SLC30A8: variants seen among roughly 807,000 people sequenced by gnomAD.
SLC30A8 encodes the protein solute carrier family 30 member 8, also known as proton-coupled zinc antiporter SLC30A8.
A neutral mutation model predicts 36.9 loss-of-function variants in SLC30A8; 27 were observed. The observed-to-expected ratio is 0.73, with a 90% CI of 0.54 to 1.01. The LOEUF is 1.01. Among genes scored for constraint, SLC30A8 ranks in the 50% least tolerant of loss-of-function variants. SLC30A8 has a pLI of 0.00. For missense variants in SLC30A8, 439 were observed against 452.0 expected (o/e 0.97, Z 0.26); for synonymous variants, 164 against 172.4 (o/e 0.95, Z 0.38).
At chr8:117,168,427 T>C (rs536613605) in intron 6 of SLC30A8, among the ~76,000 whole-genome samples, 4 of 152,294 alleles carry the variant, frequency 2.6e-5, no homozygotes, top group African/African-American at 9.6e-5. Context: ...CAAATACATT[T>C]ATAAGTCTGG....
chr8:116,967,967 A>G (rs1563726714), intron 1 of SLC30A8, among the ~76,000 whole-genome samples: 1 of 152,184 alleles, frequency 6.6e-6, no homozygotes, highest in East Asian at 1.9e-4. Context: ...GCACAAACAG[A>G]TGAGGGTTGG....
intron 2 of SLC30A8, among the ~76,000 whole-genome samples, chr8:117,123,417 T>C (rs1007360948): frequency 1.3e-5 from 2 of 152,022 alleles, no homozygotes; most frequent in African/African-American, 4.8e-5. Context: ...CATGAAGGAA[T>C]CTTTAAATGT....
At chr8:116,985,995 G>A (rs1815429972) in intron 1 of SLC30A8, among the ~76,000 whole-genome samples, 1 of 152,134 alleles carries the variant, frequency 6.6e-6, no homozygotes. Context: ...TTACACTCTG[G>A]AAAACCAGCA....
At chr8:117,102,287 C>G (rs1479459292) in intron 2 of SLC30A8, among the ~76,000 whole-genome samples, 1 of 152,048 alleles carries the variant, frequency 6.6e-6, no homozygotes, top group Non-Finnish European at 1.5e-5. Flanking sequence ...TTAAATATAC[C>G]TATTTCATGC....
At chr8:117,133,365 T>C (rs1222291920), upstream of SLC30A8, among the ~76,000 whole-genome samples, 2 of 152,034 alleles carry the variant, frequency 1.3e-5, no homozygotes, top group Non-Finnish European at 2.9e-5. Flanking sequence ...CTGGCATGTA[T>C]CCTTCACACT....
intron 2 of SLC30A8, among the ~76,000 whole-genome samples, chr8:117,114,353 A>G (rs1055787735): frequency 6.6e-6 from 1 of 152,086 alleles, no homozygotes; most frequent in Non-Finnish European, 1.5e-5. Context: ...CCTCTGAACT[A>G]CTATTCGGAT....
intron 4 of SLC30A8, among the ~76,000 whole-genome samples, chr8:117,160,403 T>TTG (rs71569723): frequency 0.043 from 6,241 of 145,750 alleles, 163 homozygotes; most frequent in East Asian, 0.1. Flanking sequence ...AATTTTCCAC[T>TTG]TGTGTGTGTG....
rs1586625317 is a variant in SLC30A8, at chr8:117,172,737, A to G, written c.*56A>G. ...ACAGGCCACCTTCAAACATGCTGCT[A>G]TGCAGTTTCTGCATCATAGAAAATA... On this transcript the variant is annotated 3_prime_UTR_variant, in exon 8 of 8. Transcript: ENST00000456015. 7 of 1,591,528 alleles carry G rather than the reference A, an allele frequency of 4.4e-6. No homozygotes were observed. Among genetic ancestry groups the G allele is most frequent in the Non-Finnish European group, 6.0e-6 (7 of 1,162,334 alleles).
At chr8:116,994,970 TTCTC>T (rs1376572981) in intron 1 of SLC30A8, among the ~76,000 whole-genome samples, 1 of 152,152 alleles carries the variant, frequency 6.6e-6, no homozygotes, top group African/African-American at 2.4e-5. Flanking sequence ...TCTTTTTACT[TTCTC>T]TCAATTTCCC....
intron 2 of SLC30A8, among the ~76,000 whole-genome samples, chr8:117,044,954 C>A (rs1367083077): frequency 6.6e-6 from 1 of 152,204 alleles, no homozygotes; most frequent in African/African-American, 2.4e-5. Context: ...CTTCTCGTGG[C>A]TCCATCCACA....
At chr8:117,128,661 T>A (rs1821012393) in intron 2 of SLC30A8, 1 of 152,068 alleles carries the variant, frequency 6.6e-6, no homozygotes, top group Non-Finnish European at 1.5e-5. Context: ...ATGTTAAAAG[T>A]TTTATTTAGC....
intron 1 of SLC30A8, among the ~76,000 whole-genome samples, chr8:116,953,377 AT>A (rs1814068055): frequency 3.3e-5 from 5 of 151,540 alleles, no homozygotes; most frequent in Non-Finnish European, 7.4e-5. Context: ...ACTATTTTGT[AT>A]TTTTCTTACA....
chr8:117,067,902 T>C (rs942181976), intron 2 of SLC30A8, among the ~76,000 whole-genome samples: 4 of 152,156 alleles, frequency 2.6e-5, no homozygotes, highest in Non-Finnish European at 4.4e-5. Context: ...GCTGCAAAAT[T>C]TCACCAGATA....
intron 1 of SLC30A8, among the ~76,000 whole-genome samples, chr8:117,024,014 G>A (rs1411130152): frequency 7.9e-5 from 12 of 151,990 alleles, no homozygotes; most frequent in Non-Finnish European, 1.8e-4. Context: ...TGGCTATTTG[G>A]CATAAGGTAA....
At position 117,161,768 on chromosome 8, in the gene SLC30A8, T is replaced by C. The variant is rs1822802385; in HGVS notation, c.603T>C (p.Leu201=). ...VLTVVLHQRC[L]GHNHKEVQAN... Reference sequence around the variant, plus strand: ...CTGTGGTTTTGCACCAGAGATGCCTTGGCCACAATCACAAGGAAGTACAAG... The same window carrying C: ...CTGTGGTTTTGCACCAGAGATGCCTCGGCCACAATCACAAGGAAGTACAAG... Residue 201 remains leucine (L), a synonymous_variant, in exon 5 of 8, where the codon CTT becomes CTC. Coordinates refer to ENST00000456015, the MANE Select transcript of SLC30A8 (RefSeq NM_173851.3). 1 of 1,613,648 alleles carries C rather than the reference T, an allele frequency of 6.2e-7. No homozygotes were observed. Among genetic ancestry groups the C allele is most frequent in the African/African-American group, 1.3e-5 (1 of 74,902 alleles).
intron 1 of SLC30A8, among the ~76,000 whole-genome samples, chr8:116,968,280 A>G (rs1220008934): frequency 5.3e-5 from 8 of 151,404 alleles, no homozygotes; most frequent in Non-Finnish European, 1.5e-5. Flanking sequence ...TCAATAGCTT[A>G]TTATATAGCT....
chr8:117,160,084 T>A (rs1302986491), intron 4 of SLC30A8, among the ~76,000 whole-genome samples: 4 of 152,218 alleles, frequency 2.6e-5, no homozygotes, highest in African/African-American at 7.2e-5. Context: ...TTTCAAATGC[T>A]GCTAGATGCT....
intron 2 of SLC30A8, among the ~76,000 whole-genome samples, chr8:117,078,717 C>T (rs1055460951): frequency 2.0e-5 from 3 of 152,046 alleles, no homozygotes; most frequent in African/African-American, 7.2e-5. Flanking sequence ...TCTTTTATTC[C>T]ACTGTGTTGT....
chr8:117,042,834 A>C (rs1390821909), intron 2 of SLC30A8, among the ~76,000 whole-genome samples: 1 of 152,006 alleles, frequency 6.6e-6, no homozygotes, highest in Admixed American at 6.5e-5. Flanking sequence ...TGCCACCACA[A>C]CCGGCTAATT....
Sources: allele counts gnomAD v4.1 joint callset (sites outside exome capture counted in the v4.1 genomes callset), GRCh38; gene constraint gnomAD v4.1.1; transcripts MANE v1.5; gene names NCBI Gene and HGNC (gene_info 2026-07-23, HGNC 2026-07-21).